SMARCA1: variants seen among roughly 807,000 people sequenced by gnomAD.
SMARCA1 encodes SNF2 related chromatin remodeling ATPase 1.
SMARCA1 carries 17 observed loss-of-function variants against 93.6 expected under a neutral mutation model. That is an observed-to-expected ratio of 0.18 (90% confidence interval 0.12 to 0.27). The LOEUF (loss-of-function observed/expected upper bound fraction) is 0.27, where lower values mean the gene tolerates loss of function less well. SMARCA1 is among the 10% of genes least tolerant of loss of function. The pLI, the probability that SMARCA1 is intolerant of heterozygous loss-of-function variation, is 1.00. For missense variants in SMARCA1, 630 were observed against 819.0 expected (o/e 0.77, Z 2.82); for synonymous variants, 271 against 271.4 (o/e 1.00, Z 0.01).
intron 19 of SMARCA1, among the ~76,000 whole-genome samples, chrX:129,473,801 G>A (rs931016453): frequency 8.9e-6 from 1 of 112,014 alleles, no homozygotes; most frequent in East Asian, 2.8e-4. Context: ...CCTCTGAGGA[G>A]TGCATATGGT....
At chrX:129,512,984 G>A (rs1395530488) in intron 5 of SMARCA1, among the ~76,000 whole-genome samples, 2 of 111,326 alleles carry the variant, frequency 1.8e-5, no homozygotes, top group Non-Finnish European at 3.8e-5. Context: ...AATTATGTTC[G>A]GAAAATGTCT....
intron 23 of SMARCA1, among the ~76,000 whole-genome samples, chrX:129,451,991 C>A (rs915146042): frequency 8.9e-6 from 1 of 112,059 alleles, no homozygotes; most frequent in Non-Finnish European, 1.9e-5. Context: ...GCGTGAGCCA[C>A]CACGCCCAGC....
intron 23 of SMARCA1, among the ~76,000 whole-genome samples, chrX:129,462,095 A>G (rs1167135481): frequency 8.9e-6 from 1 of 111,877 alleles, no homozygotes; most frequent in Non-Finnish European, 1.9e-5. Context: ...ATAACTATTA[A>G]GGTTTCTACT....
chrX:129,515,862 A>C, intron 4 of SMARCA1, 32 bp downstream of exon 4: 1 of 1,153,033 alleles, frequency 8.7e-7, no homozygotes, highest in Non-Finnish European at 1.2e-6. Context: ...ACTAAATTGA[A>C]AAAGAACTCA....
At chrX:129,450,128 G>A (rs1349357502) in intron 23 of SMARCA1, among the ~76,000 whole-genome samples, 3 of 112,278 alleles carry the variant, frequency 2.7e-5, no homozygotes, top group African/African-American at 9.7e-5. Context: ...ACTTGTGACT[G>A]TATTTGAAGA....
At chrX:129,494,922 A>G (rs1934264553) in intron 12 of SMARCA1, among the ~76,000 whole-genome samples, 1 of 112,572 alleles carries the variant, frequency 8.9e-6, no homozygotes, top group Non-Finnish European at 1.9e-5. Context: ...TGAGTACAGC[A>G]GGTCCTCAAG....
intron 19 of SMARCA1, among the ~76,000 whole-genome samples, chrX:129,479,333 TATC>T (rs1388167994): frequency 2.7e-5 from 3 of 111,397 alleles, no homozygotes. Flanking sequence ...TGTTAATAAT[TATC>T]ATTAATTTTC....
In SMARCA1 at chrX:129,515,810, T is replaced by C. The variant is rs1358507072; in HGVS notation, c.530-23A>G. ...CATCTGGTGAAAAAATGCAAGGACATTTCATACTTTCATTAACATACTCAA... is the reference window on the plus strand; with the variant it reads ...CATCTGGTGAAAAAATGCAAGGACACTTCATACTTTCATTAACATACTCAA... On this transcript the variant is annotated intron_variant, in intron 4 of 24. Transcript: ENST00000371121. The C allele has an allele frequency of 4.4e-6, 5 of 1,144,458 alleles. No individual in the cohort carries two copies. The South Asian group carries it at 7.3e-5, about 17-fold the overall frequency. The allele number at this position is 1,144,458 out of a possible 1,213,427, so 94.3% of individuals were successfully genotyped here.
intron 17 of SMARCA1, among the ~76,000 whole-genome samples, chrX:129,483,718 T>A (rs1213473850): frequency 8.9e-6 from 1 of 111,890 alleles, no homozygotes; most frequent in Admixed American, 9.5e-5. Context: ...TCATACCGAA[T>A]TAGTTTACTT....
chrX:129,471,459 T>C, intron 19 of SMARCA1, 133 bp from the exon 20 acceptor site: 1 of 419,206 alleles, frequency 2.4e-6, no homozygotes. Context: ...TGACACACGG[T>C]CCTCTCCACA....
At chrX:129,515,161 G>C (rs190506664) in intron 5 of SMARCA1, among the ~76,000 whole-genome samples, 1 of 111,607 alleles carries the variant, frequency 9.0e-6, no homozygotes, top group East Asian at 2.8e-4. Flanking sequence ...GAAGGTTTTT[G>C]GACCATTTGA....
chrX:129,509,769 T>A (rs1349429655), intron 6 of SMARCA1, among the ~76,000 whole-genome samples: 1 of 111,554 alleles, frequency 9.0e-6, no homozygotes, highest in Non-Finnish European at 1.9e-5. Flanking sequence ...ACAACTGAAA[T>A]CAAACCCATT....
chrX:129,496,985 G>GCA, intron 11 of SMARCA1, 114 bp from the exon 12 acceptor site: 3 of 531,806 alleles, frequency 5.6e-6, no homozygotes, highest in Non-Finnish European at 9.3e-6. Flanking sequence ...CTCCACTAAC[G>GCA]CACACACACA....
intron 6 of SMARCA1, 129 bp from the exon 7 acceptor site, chrX:129,508,225 T>A: frequency 2.3e-6 from 1 of 434,920 alleles, no homozygotes. Flanking sequence ...TTTAGTTTCA[T>A]CCATTTTAGA....
In SMARCA1 at chrX:129,523,276, G is replaced by A; in HGVS notation, c.95C>T (p.Ser32Phe). Reference sequence around the variant, plus strand: ...GGCCGCTCCCTCCTCCTGAGAGGTGGACGGCCCGGGCTGCTCGTCCTCTAT... The same window carrying A: ...GGCCGCTCCCTCCTCCTGAGAGGTGAACGGCCCGGGCTGCTCGTCCTCTAT... Reference protein sequence around the residue: ...VVIEDEQPGPSTSQEEGAAAA... With the variant: ...VVIEDEQPGPFTSQEEGAAAA... Residue 32 changes from serine (S) to phenylalanine (F), a missense_variant, in exon 1 of 25, where the codon TCC becomes TTC. By Grantham distance (155) the Ser-to-Phe change is radical. Coordinates refer to ENST00000371121, the MANE Select transcript of SMARCA1 (RefSeq NM_001282874.2). The A allele has an allele frequency of 8.3e-7, 1 of 1,210,036 alleles. No individual in the cohort carries two copies. The highest frequency in any genetic ancestry group is 1.1e-6 in the Non-Finnish European group (1 of 895,028).
chrX:129,480,694 A>G lies in SMARCA1; in HGVS notation c.2442+7T>C. 2.2e-6 allele frequency: 2 copies of G among 922,572 alleles called. No individual in the cohort carries two copies. Among genetic ancestry groups the G allele is most frequent in the South Asian group, 3.2e-5 (1 of 31,131 alleles). The allele number at this position is 922,572 out of a possible 1,213,427, so 76.0% of individuals were successfully genotyped here. A position where few individuals can be genotyped will look rare whatever the true frequency, so the allele number is the denominator to read the frequency against. Reference sequence around the variant, plus strand: ...ATTATATTAATCTTAAAAAATGGAAAAAATACCTTATAGCCTATTGTCTTC... The same window carrying G: ...ATTATATTAATCTTAAAAAATGGAAGAAATACCTTATAGCCTATTGTCTTC... On this transcript the variant is annotated splice_region_variant and intron_variant, in intron 19 of 24. Coordinates refer to ENST00000371121, the MANE Select transcript of SMARCA1 (RefSeq NM_001282874.2).
At chrX:129,498,092 T>A in intron 10 of SMARCA1, 21 bp from the exon 11 acceptor site, 1 of 891,531 alleles carries the variant, frequency 1.1e-6, no homozygotes, top group Non-Finnish European at 1.6e-6. Flanking sequence ...AAACTATAAT[T>A]AATCATCAAT....
chrX:129,483,173 G>A (rs1363197836), intron 17 of SMARCA1, among the ~76,000 whole-genome samples: 1 of 112,318 alleles, frequency 8.9e-6, no homozygotes, highest in African/African-American at 3.2e-5. Flanking sequence ...GTGCAAGTCA[G>A]TGTCAGTGAT....
chrX:129,477,458 C>A (rs181771168), intron 19 of SMARCA1, among the ~76,000 whole-genome samples: 2 of 110,620 alleles, frequency 1.8e-5, no homozygotes, highest in African/African-American at 6.6e-5. Flanking sequence ...GAGGCTGAGG[C>A]AGGAGAATCA....
Sources: gnomAD v4.1 joint callset for allele counts (sites outside exome capture counted in the v4.1 genomes callset) on GRCh38, gnomAD v4.1.1 for gene constraint, MANE v1.5 for transcripts, NCBI Gene and HGNC (gene_info 2026-07-23, HGNC 2026-07-21) for gene names.